The following FRMD8 variants were observed in gnomAD, a reference collection of about 807,000 sequenced individuals.
FRMD8 encodes the protein FERM domain-containing protein 8.
Under a neutral mutation model 54.2 loss-of-function variants are expected in FRMD8, and 37 were observed. The ratio of observed to expected loss-of-function variants is 0.68; its 90% CI spans 0.53 to 0.90. FRMD8 has a LOEUF of 0.90. Ranked by LOEUF, FRMD8 falls within the 40% of genes least tolerant of loss-of-function variation. The pLI, the probability that FRMD8 is intolerant of heterozygous loss-of-function variation, is 0.00. For missense variants in FRMD8, 585 were observed against 653.7 expected (o/e 0.89, Z 1.15); for synonymous variants, 246 against 286.9 (o/e 0.86, Z 1.44).
chr11:65,393,759 C>A, intron 4 of FRMD8, 85 bp downstream of exon 4: 1 of 1,177,030 alleles, frequency 8.5e-7, no homozygotes, highest in Non-Finnish European at 1.2e-6. Flanking sequence ...GCCCTGCCAG[C>A]AAGGAGCTGC....
chr11:65,388,502 A>T (rs2137860621), intron 2 of FRMD8, among the ~76,000 whole-genome samples: 1 of 152,248 alleles, frequency 6.6e-6, no homozygotes, highest in East Asian at 1.9e-4. Context: ...CTGACAACTT[A>T]AATTGACTCC....
chr11:65,394,238 C>G, intron 5 of FRMD8, 21 bp from the exon 6 acceptor site: 1 of 1,596,804 alleles, frequency 6.3e-7, no homozygotes, highest in Non-Finnish European at 8.5e-7. Flanking sequence ...GAGCGGCTGT[C>G]CCTGCCACAC....
the FRMD8 span, chr11:65,379,345 AC>A: frequency 1.2e-6 from 2 of 1,601,760 alleles, no homozygotes; most frequent in East Asian, 2.2e-5. Context: ...TCCCTATGAC[AC>A]CTGTGTGTGC....
chr11:65,373,431 C>T, the FRMD8 span, among the ~76,000 whole-genome samples: 1 of 152,218 alleles, frequency 6.6e-6, no homozygotes, highest in African/African-American at 2.4e-5. Context: ...TTCCCACGAT[C>T]AGGAGCCCCC....
At chr11:65,393,944 G>A (rs1301643075) in intron 4 of FRMD8, 97 bp from the exon 5 acceptor site, 30 of 1,314,822 alleles carry the variant, frequency 2.3e-5, no homozygotes, top group Middle Eastern at 1.8e-4. Flanking sequence ...TCTCAGCCCT[G>A]GTGGGTGAGG....
chr11:65,380,575 C>T, the FRMD8 span: 17 of 1,302,284 alleles, frequency 1.3e-5, no homozygotes, highest in Middle Eastern at 2.1e-4. Context: ...CTCATAATGT[C>T]GTCGCCGGGA....
upstream of FRMD8, chr11:65,382,612 C>T (rs552027165): frequency 5.8e-5 from 9 of 153,880 alleles, no homozygotes; most frequent in East Asian, 7.7e-4. This position sits in a 1 kb window ranked among gnomAD's most constrained non-coding sequence, Gnocchi z 4.4. Flanking sequence ...ATTTAAAGTG[C>T]GTGTTGATCT....
the FRMD8 span, among the ~76,000 whole-genome samples, chr11:65,370,616 C>G: frequency 6.6e-6 from 1 of 151,664 alleles, no homozygotes. Flanking sequence ...CAGAGAATTG[C>G]TTAAACCCGG....
upstream of FRMD8, among the ~76,000 whole-genome samples, chr11:65,384,781 G>C (rs1469029597): frequency 8.5e-5 from 13 of 152,164 alleles, no homozygotes. Context: ...GGCGCTATCA[G>C]AGCTCACTGT....
intron 7 of FRMD8, among the ~76,000 whole-genome samples, chr11:65,398,137 A>G (rs900427527): frequency 2.6e-5 from 4 of 151,818 alleles, no homozygotes; most frequent in African/African-American, 9.7e-5. Flanking sequence ...CAGCCTCCCA[A>G]AGTGCTGGGA....
the FRMD8 span, chr11:65,380,529 C>G: frequency 1.5e-6 from 2 of 1,375,762 alleles, no homozygotes; most frequent in Non-Finnish European, 1.9e-6. Flanking sequence ...CACCCAGGTT[C>G]CCACCTCTCC....
chr11:65,398,177 T>C (rs560512409), intron 7 of FRMD8, among the ~76,000 whole-genome samples: 1 of 152,232 alleles, frequency 6.6e-6, no homozygotes, highest in Non-Finnish European at 1.5e-5. Flanking sequence ...TTTTTGTATT[T>C]TTTGTAGAGA....
At chr11:65,379,230 C>T in the FRMD8 span, 3 of 893,612 alleles carry the variant, frequency 3.4e-6, no homozygotes, top group South Asian at 5.0e-5. Context: ...AGGCCTGCAG[C>T]CTGGAAGGCC....
chr11:65,392,383 G>T (rs1855863584), intron 3 of FRMD8, among the ~76,000 whole-genome samples: 1 of 152,234 alleles, frequency 6.6e-6, no homozygotes, highest in African/African-American at 2.4e-5. Context: ...GGTAGAGCAG[G>T]GAGATGTGGA....
chr11:65,411,419 T>C lies in FRMD8; in HGVS notation c.*59T>C, dbSNP rs2137956556. 8.4e-7 allele frequency: 1 copy of C among 1,186,268 alleles called. No homozygotes were observed. Among genetic ancestry groups the C allele is most frequent in the East Asian group, 2.8e-5 (1 of 36,106 alleles). The allele number at this position is 1,186,268 out of a possible 1,614,324, so 73.5% of individuals were successfully genotyped here. On this transcript the variant is annotated 3_prime_UTR_variant, in exon 11 of 11. Coordinates refer to ENST00000317568, the MANE Select transcript of FRMD8 (RefSeq NM_031904.5). ...GGGCCCTGGCCCGGCACTGTCCTCC[T>C]GAGGGGCAGGCGCCGGCTGCAACAG...
intron 3 of FRMD8, among the ~76,000 whole-genome samples, chr11:65,391,612 G>A (rs1455978441): frequency 2.0e-5 from 3 of 152,096 alleles, no homozygotes; most frequent in Admixed American, 1.3e-4. Context: ...CTGGGTTCAA[G>A]CGATTCTTCT....
intron 10 of FRMD8, among the ~76,000 whole-genome samples, chr11:65,408,784 ATTCT>A (rs1856265289): frequency 6.6e-6 from 1 of 151,760 alleles, no homozygotes; most frequent in Non-Finnish European, 1.5e-5. Flanking sequence ...TAATTTTTAA[ATTCT>A]TTGTCAAGGC....
chr11:65,391,083 G>A lies in FRMD8; in HGVS notation c.253+1555G>A, dbSNP rs377723246. ...TGACAGATGCCCCAGGGCCGTGAGT[G>A]CCCTGCAAGGGCAGGGAGGGGCGCT... is the stretch of plus-strand genomic sequence containing the variant. On this transcript the variant is annotated intron_variant, in intron 3 of 10. Coordinates refer to ENST00000317568, the MANE Select transcript of FRMD8 (RefSeq NM_031904.5). Among the ~76,000 whole-genome samples, 20 of 152,388 alleles carry A rather than the reference G, an allele frequency of 1.3e-4. No individual in the cohort carries two copies. The East Asian group carries it at 2.9e-3, about 22-fold the overall frequency.
the FRMD8 span, chr11:65,380,026 G>T: frequency 5.1e-6 from 8 of 1,582,164 alleles, no homozygotes; most frequent in Non-Finnish European, 7.0e-6. Flanking sequence ...ATGCCAACCA[G>T]CAGGAGAGGC....
Sources: allele counts gnomAD v4.1 joint callset (sites outside exome capture counted in the v4.1 genomes callset), GRCh38; gene constraint gnomAD v4.1.1; non-coding constraint Gnocchi (gnomAD v3.1); transcripts MANE v1.5; gene names NCBI Gene and HGNC (gene_info 2026-07-23, HGNC 2026-07-21).